MYH4: variants seen among roughly 807,000 people sequenced by gnomAD.
The protein encoded by MYH4 is myosin-4.
In MYH4, 200 loss-of-function variants were observed where a neutral mutation model predicts 229.9. The ratio of observed to expected loss-of-function variants is 0.87; its 90% CI spans 0.78 to 0.98. MYH4 has a LOEUF of 0.98. Among genes scored for constraint, MYH4 ranks in the 50% least tolerant of loss-of-function variants. MYH4 has a pLI of 0.00. For missense variants in MYH4, 2,148 were observed against 2,332.6 expected (o/e 0.92, Z 1.63); for synonymous variants, 761 against 834.6 (o/e 0.91, Z 1.52).
In MYH4 at chr17:10,462,980, G is replaced by A. The variant is rs935547696; in HGVS notation, c.905-12C>T. 5.0e-6 allele frequency: 8 copies of A among 1,611,690 alleles called. No individual in the cohort carries two copies. Among genetic ancestry groups the A allele is most frequent in the African/African-American group, 2.7e-5 (2 of 74,844 alleles). Reference sequence around the variant, plus strand: ...GATCAGAAGCATTTCTGAACACATGGAAAAGAACAGTATATAGACAGCATT... The same window carrying A: ...GATCAGAAGCATTTCTGAACACATGAAAAAGAACAGTATATAGACAGCATT... On this transcript the variant is annotated splice_polypyrimidine_tract_variant and intron_variant, in intron 10 of 39. Transcript: ENST00000255381.
rs1863214670 is a variant in MYH4 at position 10,466,543 on chromosome 17, G to A, written c.203C>T (p.Ala68Val). Reference protein sequence around the residue: ...GKVTAKTEAGATVTVKEDQVF... With the variant: ...GKVTAKTEAGVTVTVKEDQVF... Reference sequence around the variant, plus strand: ...TTAGCTCCAGGTGTTTTTACTCACAGCTCCAGCTTCGGTCTTGGCTGTCAC... The same window carrying A: ...TTAGCTCCAGGTGTTTTTACTCACAACTCCAGCTTCGGTCTTGGCTGTCAC... The change falls in exon 3 of 40, where the codon GCT (alanine) becomes GTT (valine). Residue 68 changes from alanine to valine, a missense_variant and splice_region_variant. Ala to Val is a moderately conservative substitution (Grantham distance 64). Coordinates refer to ENST00000255381, the MANE Select transcript of MYH4 (RefSeq NM_017533.2). 1 of 1,613,946 alleles carries A rather than the reference G, an allele frequency of 6.2e-7. No individual in the cohort carries two copies. The highest frequency in any genetic ancestry group is 8.5e-7 in the Non-Finnish European group (1 of 1,180,030).
chr17:10,447,698 T>G (rs1450550056), intron 34 of MYH4, 120 bp downstream of exon 34: 1 of 1,024,104 alleles, frequency 9.8e-7, no homozygotes, highest in African/African-American at 1.6e-5. Context: ...CTTTGAACTT[T>G]GAACTGATTA....
rs779123712 is a variant in MYH4 at position 10,450,510 on chromosome 17, C to T, written c.4124G>A (p.Trp1375Ter). 2 of 1,614,114 alleles carry T rather than the reference C, an allele frequency of 1.2e-6. No homozygotes were observed. The highest frequency in any genetic ancestry group is 2.2e-5 in the East Asian group (1 of 44,884). The change falls in exon 30 of 40, where the codon TGG becomes TAG. Residue 1375 changes from tryptophan to a stop codon, truncating the protein, a stop_gained. Coordinates refer to ENST00000255381, the MANE Select transcript of MYH4 (RefSeq NM_017533.2). LOFTEE classifies it high-confidence loss of function. ...GGCGTCCGTCTCGTACTTGGTCCTCCACTGGGCAACCTCACTGTTGGCCTT... is the reference window on the plus strand; with the variant it reads ...GGCGTCCGTCTCGTACTTGGTCCTCTACTGGGCAACCTCACTGTTGGCCTT... ...MSKANSEVAQWRTKYETDAIQ... is the reference protein window; with the variant it reads ...MSKANSEVAQ
chr17:10,450,798 C>G lies in MYH4; in HGVS notation c.3963G>C (p.Arg1321Ser), dbSNP rs1437882723. 6.2e-7 allele frequency: 1 copy of G among 1,613,768 alleles called. No individual in the cohort carries two copies. The highest frequency in any genetic ancestry group is 1.3e-5 in the African/African-American group (1 of 74,920). ...TCACCTTAGTCTCCTCTTCTAGCTG[C>G]CTCTTTAATTCTTCAATCTGTTGTG... Reference protein sequence around the residue: ...AFTQQIEELKRQLEEETKAKS... With the variant: ...AFTQQIEELKSQLEEETKAKS... The change falls in exon 29 of 40, where the codon AGG becomes AGC. Residue 1321 changes from arginine (R) to serine (S), a missense_variant. Transcript: ENST00000255381.
chr17:10,447,159 G>T lies in MYH4; in HGVS notation c.5023C>A (p.Leu1675Met). Reference protein sequence around the residue: ...IRGQDDLKEQLAMVERRANLM... With the variant: ...IRGQDDLKEQMAMVERRANLM... ...TTAGCTCTGCGCTCAACCATTGCCA[G>T]TTGTTCCTTAAGGTCATCTTGGCCT... The change falls in exon 35 of 40, where the codon CTG (leucine) becomes ATG (methionine). Residue 1675 changes from leucine to methionine, a missense_variant. Transcript: ENST00000255381. 6.2e-7 allele frequency: 1 copy of T among 1,614,126 alleles called. No individual in the cohort carries two copies.
chr17:10,453,537 G>A (rs1567701397), intron 23 of MYH4, 106 bp downstream of exon 23: 1 of 1,579,708 alleles, frequency 6.3e-7, no homozygotes, highest in African/African-American at 1.4e-5. Context: ...AAATAGTTAT[G>A]ACAGTGGTAT....
At chr17:10,444,923 C>T (rs754220373) in intron 37 of MYH4, 24 bp from the exon 38 acceptor site, 11 of 1,614,008 alleles carry the variant, frequency 6.8e-6, no homozygotes. Context: ...AAGACGTTTA[C>T]CAGTTTGGCT....
At position 10,464,565 on chromosome 17, in the gene MYH4, C is replaced by G. The variant is rs1383486824; in HGVS notation, c.555G>C (p.Lys185Asn). ...ILITGESGAG[K>N]TVNTKRVIQY... ...GGATGACACGCTTCGTGTTCACAGT[C>G]TTCCCTGCACCAGATTCTCCACTAT... Residue 185 changes from lysine (K) to asparagine (N), a missense_variant, in exon 7 of 40, where the codon AAG becomes AAC. Physicochemically the swap from Lys to Asn is moderately conservative, Grantham distance 94. Transcript: ENST00000255381. 6.2e-7 allele frequency: 1 copy of G among 1,613,946 alleles called. No individual in the cohort carries two copies. The highest frequency in any genetic ancestry group is 1.3e-5 in the African/African-American group (1 of 74,910).
chr17:10,446,216 A>G (rs2072511042), intron 35 of MYH4, among the ~76,000 whole-genome samples: 1 of 152,018 alleles, frequency 6.6e-6, no homozygotes, highest in Admixed American at 6.6e-5. Context: ...CTTCTATAAT[A>G]GTTATGTTTA....
chr17:10,447,254 A>T (rs763592962), intron 34 of MYH4, 38 bp from the exon 35 acceptor site: 1 of 1,584,476 alleles, frequency 6.3e-7, no homozygotes, highest in Non-Finnish European at 8.6e-7. Flanking sequence ...CTCATGCTGC[A>T]CTTAAAGCAA....
intron 14 of MYH4, 21 bp from the exon 15 acceptor site, chr17:10,459,442 A>T (rs1043893011): frequency 6.2e-7 from 1 of 1,614,070 alleles, no homozygotes; most frequent in African/African-American, 1.3e-5. Flanking sequence ...AGATAAATAT[A>T]GGAAATTACG....
intron 19 of MYH4, 120 bp downstream of exon 19, chr17:10,455,494 T>C: frequency 1.4e-6 from 2 of 1,412,858 alleles, no homozygotes; most frequent in Non-Finnish European, 1.9e-6. Context: ...TTCTTTCTTT[T>C]ATGATCAATT....
rs1348254866 is a variant in MYH4 at position 10,455,168 on chromosome 17, A to T, written c.2298+4T>A. The T allele has an allele frequency of 1.2e-6, 2 of 1,614,086 alleles. No homozygotes were observed. The highest frequency in any genetic ancestry group is 1.7e-6 in the Non-Finnish European group (2 of 1,180,034). On this transcript the variant is annotated splice_donor_region_variant and intron_variant, in intron 20 of 39. Transcript: ENST00000255381. ...TGACAGATAGAAATTTGGACTGGTGATACCTTGGTATGACCGAATTTGTAC... is the reference window on the plus strand; with the variant it reads ...TGACAGATAGAAATTTGGACTGGTGTTACCTTGGTATGACCGAATTTGTAC...
At chr17:10,448,177 T>C in intron 33 of MYH4, 51 bp from the exon 34 acceptor site, 1 of 1,509,316 alleles carries the variant, frequency 6.6e-7, no homozygotes. Context: ...TTTTATTTCT[T>C]TCACATTATG....
chr17:10,460,557 C>T (rs553331174), intron 12 of MYH4, among the ~76,000 whole-genome samples: 3 of 152,148 alleles, frequency 2.0e-5, no homozygotes, highest in Non-Finnish European at 4.4e-5. Flanking sequence ...TGATATTTAA[C>T]CTGGCAAAAG....
intron 5 of MYH4, among the ~76,000 whole-genome samples, chr17:10,465,002 C>T (rs1451025585): frequency 6.6e-6 from 1 of 152,234 alleles, no homozygotes; most frequent in African/African-American, 2.4e-5. Context: ...CCCATCCAGT[C>T]ACCTGGTTCA....
chr17:10,460,332 A>C lies in MYH4; in HGVS notation c.1148-11T>G. The stretch of plus-strand genomic sequence containing the variant: ...CAGCTTTGTCAGCAACTGTGTGAAC[A>C]AGGTGAGAATGGTGAAACTGACCAT... On this transcript the variant is annotated splice_polypyrimidine_tract_variant and intron_variant, in intron 12 of 39. Coordinates refer to ENST00000255381, the MANE Select transcript of MYH4 (RefSeq NM_017533.2). 6.3e-7 allele frequency: 1 copy of C among 1,574,858 alleles called. No individual in the cohort carries two copies. Among genetic ancestry groups the C allele is most frequent in the South Asian group, 1.1e-5 (1 of 89,124 alleles).
intron 27 of MYH4, 67 bp from the exon 28 acceptor site, chr17:10,451,519 T>G: frequency 6.5e-7 from 1 of 1,527,914 alleles, no homozygotes; most frequent in Non-Finnish European, 8.9e-7. Flanking sequence ...GATTTAGAGA[T>G]CTGTAACTAC....
intron 34 of MYH4, 130 bp downstream of exon 34, chr17:10,447,688 C>A: frequency 2.1e-6 from 2 of 931,638 alleles, no homozygotes; most frequent in East Asian, 2.4e-5. Context: ...GTGTGTATAA[C>A]TTTGAACTTT....
Sources: gnomAD v4.1 joint callset for allele counts (sites outside exome capture counted in the v4.1 genomes callset) on GRCh38, gnomAD v4.1.1 for gene constraint, MANE v1.5 for transcripts, NCBI Gene and HGNC (gene_info 2026-07-23, HGNC 2026-07-21) for gene names.